The following LTA variants were observed in gnomAD, a reference collection of about 807,000 sequenced individuals.
LTA encodes the protein lymphotoxin-alpha.
LTA carries 6 observed loss-of-function variants against 15.1 expected under a neutral mutation model. That is an observed-to-expected ratio of 0.40 (90% CI 0.22 to 0.78). LTA has a LOEUF of 0.78. LTA is among the 30% of genes least tolerant of loss of function. The pLI is 0.38. For missense variants in LTA, 173 were observed against 249.5 expected, an observed-to-expected ratio of 0.69 and a Z score of 2.06; for synonymous variants, 87 against 107.3, an observed-to-expected ratio of 0.81 and a Z score of 1.17.
chr6:31,569,892 G>C (rs1319098848), upstream of LTA, among the ~76,000 whole-genome samples: 1 of 152,144 alleles, frequency 6.6e-6, no homozygotes, highest in Non-Finnish European at 1.5e-5. Flanking sequence ...CTATACCTGG[G>C]AGGAAGGAAT....
chr6:31,566,301 G>T, the LTA span, among the ~76,000 whole-genome samples: 1 of 152,052 alleles, frequency 6.6e-6, no homozygotes, highest in African/African-American at 2.4e-5. Context: ...CTATGATGGT[G>T]CCATTGCACT....
At chr6:31,573,078 C>T (rs771899931) in intron 3 of LTA, 45 bp downstream of exon 3, 3 of 1,507,034 alleles carry the variant, frequency 2.0e-6, no homozygotes, top group Non-Finnish European at 2.8e-6. Context: ...ACCAGCTCTC[C>T]TCCTACCCCT....
chr6:31,565,428 T>C, the LTA span, among the ~76,000 whole-genome samples: 1 of 152,176 alleles, frequency 6.6e-6, no homozygotes, highest in African/African-American at 2.4e-5. Context: ...GAATTCAGAA[T>C]GGAAGATGCA....
At chr6:31,567,833 C>G (rs1770660618), upstream of LTA, among the ~76,000 whole-genome samples, 2 of 152,058 alleles carry the variant, frequency 1.3e-5, no homozygotes, top group African/African-American at 4.8e-5. Flanking sequence ...GTCTCTCTCT[C>G]TGCTCCAGCC....
In LTA at chr6:31,573,986, C is replaced by T; in HGVS notation, c.*293C>T. On this transcript the variant is annotated 3_prime_UTR_variant, in exon 4 of 4. Transcript: ENST00000418386. Reference sequence around the variant, plus strand: ...CCCACCAGCTAGGTGGGGCCTAGATCCACACACAGAGGAAGAGCAGGCACA... The same window carrying T: ...CCCACCAGCTAGGTGGGGCCTAGATTCACACACAGAGGAAGAGCAGGCACA... 1.7e-6 allele frequency: 1 copy of T among 597,844 alleles called. No individual in the cohort carries two copies. Among genetic ancestry groups the T allele is most frequent in the Admixed American group, 2.5e-5 (1 of 39,806 alleles). The allele number at this position is 597,844 out of a possible 1,614,324, so 37.0% of individuals were successfully genotyped here.
At chr6:31,568,220 C>T (rs371292994), upstream of LTA, among the ~76,000 whole-genome samples, 23 of 152,286 alleles carry the variant, frequency 1.5e-4, no homozygotes, top group African/African-American at 4.1e-4. The surrounding 1 kb of genome is among the most constrained non-coding windows in gnomAD (Gnocchi z 4.1). Context: ...ATGTGTTAGG[C>T]ACGCAGATAC....
the LTA span, among the ~76,000 whole-genome samples, chr6:31,564,735 A>G: frequency 1.9e-5 from 2 of 104,620 alleles, no homozygotes; most frequent in Non-Finnish European, 3.9e-5. Context: ...GCAAAACCCT[A>G]TCTCTGGAAA....
upstream of LTA, among the ~76,000 whole-genome samples, chr6:31,571,310 T>G (rs1021878188): frequency 2.6e-5 from 4 of 152,086 alleles, no homozygotes; most frequent in African/African-American, 9.7e-5. Flanking sequence ...TCCGCCCACC[T>G]CAGACTCCCA....
chr6:31,572,684 C>T (rs944701393), intron 1 of LTA, 50 bp from the exon 2 acceptor site: 15 of 1,400,766 alleles, frequency 1.1e-5, no homozygotes, highest in African/African-American at 1.4e-5. Flanking sequence ...TCTTCCGCCG[C>T]GTGCCCCGCC....
chr6:31,567,385 C>A (rs1163156721), upstream of LTA, among the ~76,000 whole-genome samples: 1 of 151,964 alleles, frequency 6.6e-6, no homozygotes, highest in African/African-American at 2.4e-5. Context: ...GACCCTGTCT[C>A]AACAAAAATT....
chr6:31,569,608 C>T (rs1256427967), upstream of LTA, among the ~76,000 whole-genome samples: 1 of 152,132 alleles, frequency 6.6e-6, no homozygotes, highest in Non-Finnish European at 1.5e-5. Flanking sequence ...ACCTGGCCAA[C>T]ATGGTGAGAC....
At chr6:31,568,533 C>G (rs1770688462), upstream of LTA, among the ~76,000 whole-genome samples, 1 of 152,096 alleles carries the variant, frequency 6.6e-6, no homozygotes, top group Non-Finnish European at 1.5e-5. This position sits in a 1 kb window ranked among gnomAD's most constrained non-coding sequence, Gnocchi z 4.1. Flanking sequence ...GGTATTAAAT[C>G]CCAATTCAGG....
At chr6:31,571,146 C>T (rs1451385429), upstream of LTA, among the ~76,000 whole-genome samples, 3 of 151,674 alleles carry the variant, frequency 2.0e-5, no homozygotes, top group African/African-American at 4.8e-5. Flanking sequence ...CTGCAGCCTC[C>T]GCCTCCCAGG....
chr6:31,566,754 C>T, the LTA span, among the ~76,000 whole-genome samples: 1 of 150,320 alleles, frequency 6.7e-6, no homozygotes. Context: ...ACCAGCCTGG[C>T]CAAGATGGTG....
upstream of LTA, among the ~76,000 whole-genome samples, chr6:31,567,393 A>C (rs1770619599): frequency 6.6e-6 from 1 of 151,968 alleles, no homozygotes; most frequent in Admixed American, 6.6e-5. Context: ...CTCAACAAAA[A>C]TTTTAAAATA....
At chr6:31,573,249 C>T (rs759051572) in intron 3 of LTA, 32 bp from the exon 4 acceptor site, 2 of 1,586,350 alleles carry the variant, frequency 1.3e-6, no homozygotes, top group East Asian at 2.2e-5. Context: ...GACCCCTGAT[C>T]TCCCACCCCC....
chr6:31,565,007 A>T, the LTA span, among the ~76,000 whole-genome samples: 2 of 152,146 alleles, frequency 1.3e-5, 1 homozygote, highest in African/African-American at 4.8e-5. Flanking sequence ...AAATATTTTG[A>T]TGGATAAGAT....
At chr6:31,564,445 A>G in the LTA span, among the ~76,000 whole-genome samples, 3 of 151,868 alleles carry the variant, frequency 2.0e-5, no homozygotes, top group African/African-American at 7.3e-5. Context: ...ACGCCCAGCT[A>G]ATTTTGTTTT....
chr6:31,573,624 C>G lies in LTA; in HGVS notation c.549C>G (p.Thr183=). 6.2e-7 allele frequency: 1 copy of G among 1,614,052 alleles called. No homozygotes were observed. Among genetic ancestry groups the G allele is most frequent in the Non-Finnish European group, 8.5e-7 (1 of 1,179,930 alleles). ...TCACCCAGGGAGACCAGCTATCCAC[C>G]CACACAGATGGCATCCCCCACCTAG... ...FQLTQGDQLS[T]HTDGIPHLVL... The change falls in exon 4 of 4, where the codon ACC becomes ACG. Residue 183 remains threonine, a synonymous_variant. Coordinates refer to ENST00000418386, the MANE Select transcript of LTA (RefSeq NM_000595.4).
Sources: gnomAD v4.1 joint callset for allele counts (sites outside exome capture counted in the v4.1 genomes callset) on GRCh38, gnomAD v4.1.1 for gene constraint, Gnocchi (gnomAD v3.1) non-coding constraint, MANE v1.5 for transcripts, NCBI Gene and HGNC (gene_info 2026-07-23, HGNC 2026-07-21) for gene names.